Variants in RGS9 observed in about 807,000 individuals in gnomAD.
The protein encoded by RGS9 is regulator of G protein signaling 9.
A neutral mutation model predicts 102.0 loss-of-function variants in RGS9; 78 were observed. The observed-to-expected ratio is 0.76, with a 90% CI of 0.64 to 0.92. The LOEUF (loss-of-function observed/expected upper bound fraction) is 0.92. RGS9 is among the 40% of genes least tolerant of loss of function. The pLI is 0.00. For missense variants in RGS9, 833 were observed against 866.1 expected (o/e 0.96, Z 0.48); for synonymous variants, 353 against 318.6 (o/e 1.11, Z -1.15).
Position 65,168,204 on chromosome 17 carries a change from G to A in RGS9, c.505G>A (p.Gly169Arg). 6.2e-7 allele frequency: 1 copy of A among 1,608,996 alleles called. No homozygotes were observed. ...ACGTGGCTTTTGGCTTTCCAGGGCT[G>A]GAAAGGAGAGGAACAAAGCAGACAG... ...IMQAKEQYRA[G>R]KERNKADRYA... The change falls in exon 8 of 19, where the codon GGA becomes AGA. Residue 169 changes from glycine to arginine, a missense_variant. Around this residue, in one of 3 missense-constraint regions of RGS9, gnomAD observed 328 missense variants for 340.6 expected, o/e 0.96. Transcript: ENST00000262406.
intron 3 of RGS9, among the ~76,000 whole-genome samples, chr17:65,159,170 G>A (rs1396864797): frequency 1.6e-5 from 2 of 121,822 alleles, no homozygotes; most frequent in Non-Finnish European, 1.7e-5. Flanking sequence ...ACTCCTGCCC[G>A]CCAGAGAACA....
intron 9 of RGS9, among the ~76,000 whole-genome samples, chr17:65,184,125 GA>G (rs35074466): frequency 1.3e-5 from 2 of 152,042 alleles, no homozygotes; most frequent in African/African-American, 4.8e-5. Context: ...TGCCAGGCTG[GA>G]AAAAAACTCT....
In RGS9 at chr17:65,158,610, G is replaced by A. The variant is rs1269382870; in HGVS notation, c.205+265G>A. Reference sequence around the variant, plus strand: ...TCAAGAAAGTCCTGGAGGGGGTGCTGTGTATAGCTGGTCTTGAAAGAAGTG... The same window carrying A: ...TCAAGAAAGTCCTGGAGGGGGTGCTATGTATAGCTGGTCTTGAAAGAAGTG... On this transcript the variant is annotated intron_variant, in intron 3 of 18. Transcript: ENST00000262406. 9.3e-6 allele frequency: 5 copies of A among 539,636 alleles called. No homozygotes were observed. The East Asian group carries it at 1.7e-4, about 18-fold the overall frequency. 33.4% of individuals were successfully genotyped at this position (539,636 alleles called of 1,614,324 possible). A position where few individuals can be genotyped will look rare whatever the true frequency, so the allele number is the denominator to read the frequency against.
intron 8 of RGS9, among the ~76,000 whole-genome samples, chr17:65,175,630 G>A (rs1598587140): frequency 6.6e-6 from 1 of 152,114 alleles, no homozygotes; most frequent in Admixed American, 6.5e-5. Flanking sequence ...CATAAGAAGT[G>A]CCCCATAGAT....
chr17:65,189,212 A>G (rs1912258515), intron 9 of RGS9, 74 bp from the exon 10 acceptor site: 2 of 1,317,864 alleles, frequency 1.5e-6, no homozygotes, highest in Middle Eastern at 2.2e-4. Flanking sequence ...AAGGATTTTT[A>G]TTTTTCAAAT....
At chr17:65,197,490 C>T (rs1912641795) in intron 13 of RGS9, among the ~76,000 whole-genome samples, 1 of 152,118 alleles carries the variant, frequency 6.6e-6, no homozygotes, top group African/African-American at 2.4e-5. Flanking sequence ...ACATCAGGAT[C>T]CCTCACATTT....
Position 65,190,203 on chromosome 17 carries a change from G to C in RGS9, c.713G>C (p.Arg238Thr), listed in dbSNP as rs565154999. The part of the protein sequence containing the change: ...EIMYYQQALM[R>T]STVKSSVSLG... ...ATGTATTACCAACAGGCCTTGATGAGGTCCACAGTGAAGTCTTCTGTGTCC... is the reference window on the plus strand; with the variant it reads ...ATGTATTACCAACAGGCCTTGATGACGTCCACAGTGAAGTCTTCTGTGTCC... Residue 238 changes from arginine (R) to threonine (T), a missense_variant, in exon 11 of 19, where the codon AGG becomes ACG. This residue lies in a region of RGS9 where 328 missense variants were observed against 340.6 expected (regional missense o/e 0.96). Coordinates refer to ENST00000262406, the MANE Select transcript of RGS9 (RefSeq NM_003835.4). 4 of 1,613,862 alleles carry C rather than the reference G, an allele frequency of 2.5e-6. No individual in the cohort carries two copies. In the South Asian group the frequency reaches 3.3e-5, roughly 13 times the overall value.
intron 1 of RGS9, 43 bp downstream of exon 1, chr17:65,137,640 G>A (rs777881761): frequency 5.6e-6 from 9 of 1,599,524 alleles, no homozygotes; most frequent in African/African-American, 5.3e-5. Flanking sequence ...GAGGGCGGGG[G>A]ACCGCATCTG....
chr17:65,208,583 T>C (rs973657867), intron 16 of RGS9, among the ~76,000 whole-genome samples: 2 of 152,174 alleles, frequency 1.3e-5, no homozygotes, highest in Non-Finnish European at 2.9e-5. Flanking sequence ...CGAAATAATG[T>C]CCTGAGGGGC....
chr17:65,159,482 G>A (rs1308905102), intron 3 of RGS9, among the ~76,000 whole-genome samples: 1 of 152,186 alleles, frequency 6.6e-6, no homozygotes, highest in African/African-American at 2.4e-5. Flanking sequence ...GAGACCTGGA[G>A]AGGGAGGGCT....
chr17:65,225,421 G>T lies in RGS9; in HGVS notation c.1827G>T (p.Gly609=). ...CCAAGTGCCCTGCTGTGTCCCACGG[G>T]AGGGTGCAGCCCCTGGGGGACGTGG... ...LSPKCPAVSH[G]RVQPLGDVGQ... The change falls in exon 18 of 19, where the codon GGG becomes GGT. Residue 609 remains glycine (G), a synonymous_variant. Coordinates refer to ENST00000262406, the MANE Select transcript of RGS9 (RefSeq NM_003835.4). 6.2e-7 allele frequency: 1 copy of T among 1,610,218 alleles called. No homozygotes were observed.
At chr17:65,227,167 G>C in intron 18 of RGS9, 108 bp from the exon 19 acceptor site, 1 of 1,510,058 alleles carries the variant, frequency 6.6e-7, no homozygotes, top group Non-Finnish European at 9.2e-7. Context: ...ACAGTCTTTG[G>C]CAAATGCACC....
At chr17:65,212,176 G>T (rs555450339) in intron 17 of RGS9, among the ~76,000 whole-genome samples, 1 of 152,224 alleles carries the variant, frequency 6.6e-6, no homozygotes, top group Non-Finnish European at 1.5e-5. Context: ...AAGTCATAAA[G>T]CCAGCCTAGA....
At chr17:65,144,425 G>T (rs1017689669) in intron 1 of RGS9, among the ~76,000 whole-genome samples, 1 of 152,158 alleles carries the variant, frequency 6.6e-6, no homozygotes, top group African/African-American at 2.4e-5. Context: ...TCCCTGGCAC[G>T]CCCACTGTCA....
intron 14 of RGS9, among the ~76,000 whole-genome samples, chr17:65,202,629 G>A (rs538654916): frequency 6.6e-6 from 1 of 152,184 alleles, no homozygotes; most frequent in East Asian, 1.9e-4. Context: ...CTGACATCAC[G>A]GCTCCAGCCC....
chr17:65,161,359 C>T (rs1426533190), intron 6 of RGS9, among the ~76,000 whole-genome samples: 3 of 152,194 alleles, frequency 2.0e-5, no homozygotes, highest in Admixed American at 2.0e-4. Flanking sequence ...TCAAGCGATT[C>T]TCCTGCCTTA....
rs774653498 is a variant in RGS9, at chr17:65,189,354, ATCT to A, written c.684+43_684+45del. On this transcript the variant is annotated intron_variant, in intron 10 of 18. Coordinates refer to ENST00000262406, the MANE Select transcript of RGS9 (RefSeq NM_003835.4). ...CACTTCCAGTGAAGAATGGTTTTAA[ATCT>A]TCTAACAGGTTATATGTACTTTGTT... 3.4e-6 allele frequency: 5 copies of A among 1,489,618 alleles called. No individual in the cohort carries two copies. The African/African-American group carries it at 6.9e-5, about 21-fold the overall frequency. 92.3% of individuals were successfully genotyped at this position (1,489,618 alleles called of 1,614,324 possible).
At chr17:65,181,910 C>T (rs1459233471) in intron 9 of RGS9, among the ~76,000 whole-genome samples, 1 of 152,212 alleles carries the variant, frequency 6.6e-6, no homozygotes, top group Non-Finnish European at 1.5e-5. Flanking sequence ...TGGTATTATT[C>T]TAAATGTTGT....
chr17:65,224,631 G>A (rs746511309), intron 17 of RGS9, among the ~76,000 whole-genome samples: 8 of 152,200 alleles, frequency 5.3e-5, no homozygotes, highest in Non-Finnish European at 1.2e-4. Context: ...GCAGGGCATG[G>A]GCTGTGGCAG....
Sources: gnomAD v4.1 joint callset for allele counts (sites outside exome capture counted in the v4.1 genomes callset) on GRCh38, gnomAD v4.1.1 for gene constraint, gnomAD v4.1.1 regional missense constraint, MANE v1.5 for transcripts, NCBI Gene and HGNC (gene_info 2026-07-23, HGNC 2026-07-21) for gene names.